Variants in EPDR1 observed in about 807,000 individuals in gnomAD.
EPDR1 encodes the protein mammalian ependymin-related protein 1.
Under a neutral mutation model 23.7 loss-of-function variants are expected in EPDR1, and 27 were observed. The ratio of observed to expected loss-of-function variants is 1.14; its 90% CI spans 0.84 to 1.57. The LOEUF is 1.57. Among genes scored for constraint, EPDR1 ranks in the 40% most tolerant of loss-of-function variants. The pLI, the probability that EPDR1 is intolerant of heterozygous loss-of-function variation, is 0.00. For synonymous variants in EPDR1, 137 were observed against 118.2 expected (o/e 1.16, Z -1.03); for missense variants, 349 against 290.4 (o/e 1.20, Z -1.47).
At chr7:37,922,669 G>GT (rs1554372856) in intron 1 of EPDR1, among the ~76,000 whole-genome samples, 1 of 151,648 alleles carries the variant, frequency 6.6e-6, no homozygotes, top group East Asian at 1.9e-4. Flanking sequence ...GGAAGCTAGG[G>GT]GGGGGTTCTG....
intron 1 of EPDR1, among the ~76,000 whole-genome samples, chr7:37,945,267 T>C (rs1428076982): frequency 1.3e-5 from 2 of 152,224 alleles, no homozygotes; most frequent in Non-Finnish European, 2.9e-5. Context: ...GCATGCATAT[T>C]ATAAAAAATT....
chr7:37,949,085 T>C, intron 2 of EPDR1, 37 bp downstream of exon 2: 2 of 1,581,316 alleles, frequency 1.3e-6, no homozygotes, highest in Non-Finnish European at 1.7e-6. Context: ...GTATTCAGCA[T>C]GCATGATGGG....
At chr7:37,933,903 T>A (rs183960814) in intron 1 of EPDR1, among the ~76,000 whole-genome samples, 3 of 152,160 alleles carry the variant, frequency 2.0e-5, no homozygotes, top group Non-Finnish European at 4.4e-5. Flanking sequence ...ATTCTTGGGA[T>A]ACATGTTCCT....
intron 1 of EPDR1, among the ~76,000 whole-genome samples, chr7:37,941,192 A>G (rs1786166341): frequency 6.6e-6 from 1 of 152,218 alleles, no homozygotes. Flanking sequence ...ACTAAGATAG[A>G]TGGATGTCAT....
At chr7:37,944,897 C>T (rs6949269) in intron 1 of EPDR1, among the ~76,000 whole-genome samples, 148,756 of 152,322 alleles carry the variant, frequency 0.98, 72,736 homozygotes, top group East Asian at 1. Context: ...CAGGGAACAA[C>T]TATTGCAGTC....
intron 1 of EPDR1, among the ~76,000 whole-genome samples, chr7:37,944,420 T>G (rs1031696616): frequency 6.6e-6 from 1 of 152,160 alleles, no homozygotes; most frequent in Non-Finnish European, 1.5e-5. Flanking sequence ...AAGGTAAATA[T>G]GAGGCTAGAA....
At chr7:37,926,767 C>A (rs543076222) in intron 1 of EPDR1, 2 of 439,178 alleles carry the variant, frequency 4.6e-6, no homozygotes, top group Non-Finnish European at 9.2e-6. Context: ...GTCTGCCAGC[C>A]TTCTTCACTG....
At chr7:37,922,816 A>G (rs1364324383) in intron 1 of EPDR1, among the ~76,000 whole-genome samples, 1 of 152,212 alleles carries the variant, frequency 6.6e-6, no homozygotes, top group Non-Finnish European at 1.5e-5. Flanking sequence ...ATAAATAAAA[A>G]AAATTTCCAT....
intron 2 of EPDR1, among the ~76,000 whole-genome samples, chr7:37,949,680 G>A (rs901995107): frequency 6.6e-6 from 1 of 152,162 alleles, no homozygotes; most frequent in Non-Finnish European, 1.5e-5. Flanking sequence ...GTCCACAGCA[G>A]CATTATTCAC....
chr7:37,947,977 C>G (rs1323144271), intron 1 of EPDR1, among the ~76,000 whole-genome samples: 1 of 152,240 alleles, frequency 6.6e-6, no homozygotes, highest in African/African-American at 2.4e-5. Context: ...TCTTTGCTCT[C>G]ATCTCAGCCA....
intron 1 of EPDR1, among the ~76,000 whole-genome samples, chr7:37,939,616 T>C (rs531217636): frequency 6.6e-5 from 10 of 152,332 alleles, no homozygotes; most frequent in Admixed American, 6.5e-4. Context: ...GTTTTGTGAG[T>C]TTGTTTTGGT....
chr7:37,926,509 C>G (rs1054325119), intron 1 of EPDR1, among the ~76,000 whole-genome samples: 1 of 146,402 alleles, frequency 6.8e-6, no homozygotes. Flanking sequence ...GATTTAAATG[C>G]AAGCATTACA....
At chr7:37,950,075 C>T (rs532454317) in intron 2 of EPDR1, 125 bp from the exon 3 acceptor site, 213 of 670,160 alleles carry the variant, frequency 3.2e-4, no homozygotes, top group Non-Finnish European at 4.6e-4. Context: ...GTACTCAAGG[C>T]CACCAAACAC....
At chr7:37,926,627 C>T (rs1023841249) in intron 1 of EPDR1, 7 of 448,282 alleles carry the variant, frequency 1.6e-5, no homozygotes, top group Non-Finnish European at 2.7e-5. Flanking sequence ...GTAGAATGTT[C>T]CTTGATTTGG....
chr7:37,920,800 C>G lies in EPDR1; in HGVS notation c.-140C>G, dbSNP rs1785675189. On this transcript the variant is annotated 5_prime_UTR_variant, in exon 1 of 3. Transcript: ENST00000199448. Reference sequence around the variant, plus strand: ...GGATCTCAAAAGCGGCAGAGGCCACCGAAGGGACAGGAAGCACTTTGGTCC... The same window carrying G: ...GGATCTCAAAAGCGGCAGAGGCCACGGAAGGGACAGGAAGCACTTTGGTCC... The G allele has an allele frequency of 6.2e-7, 1 of 1,610,104 alleles. No individual in the cohort carries two copies. Among genetic ancestry groups the G allele is most frequent in the African/African-American group, 1.3e-5 (1 of 74,796 alleles).
intron 1 of EPDR1, among the ~76,000 whole-genome samples, chr7:37,937,189 A>T (rs1786070225): frequency 6.6e-6 from 1 of 152,218 alleles, no homozygotes; most frequent in African/African-American, 2.4e-5. Flanking sequence ...TTGTTGGAAC[A>T]ACTGAGAAAA....
rs1786396058 is a variant in EPDR1, at chr7:37,951,034, TC to T, written c.*640del. On this transcript the variant is annotated 3_prime_UTR_variant, in exon 3 of 3. Coordinates refer to ENST00000199448, the MANE Select transcript of EPDR1 (RefSeq NM_017549.5). ...AAAAGCTAAAATAGGAAGTAATTAT[TC>T]CTCTAAAGAAACATTTTGAGCAAGG... is the stretch of plus-strand genomic sequence containing the variant. 6.6e-6 allele frequency: 1 copy of T among 152,204 alleles called. No homozygotes were observed. The highest frequency in any genetic ancestry group is 2.4e-5 in the African/African-American group (1 of 41,462). 9.4% of individuals were successfully genotyped at this position (152,204 alleles called of 1,614,324 possible).
intron 1 of EPDR1, among the ~76,000 whole-genome samples, chr7:37,929,551 T>C (rs990091323): frequency 1.3e-5 from 2 of 152,232 alleles, no homozygotes; most frequent in African/African-American, 4.8e-5. Context: ...ACATTCATTG[T>C]AGAAGGATAC....
chr7:37,925,174 A>C (rs954706393), intron 1 of EPDR1, among the ~76,000 whole-genome samples: 2 of 152,252 alleles, frequency 1.3e-5, no homozygotes, highest in African/African-American at 4.8e-5. Flanking sequence ...GAAAGACTGA[A>C]GGAAATCAAG....
Sources: allele counts gnomAD v4.1 joint callset (sites outside exome capture counted in the v4.1 genomes callset), GRCh38; gene constraint gnomAD v4.1.1; transcripts MANE v1.5; gene names NCBI Gene and HGNC (gene_info 2026-07-23, HGNC 2026-07-21).